Variants in GALNT18 observed in about 807,000 individuals in gnomAD.
The protein encoded by GALNT18 is GalNAc-transferase 18.
GALNT18 carries 44 observed loss-of-function variants against 69.5 expected under a neutral mutation model. The observed-to-expected ratio is 0.63, with a 90% CI of 0.50 to 0.81. The LOEUF (loss-of-function observed/expected upper bound fraction) is 0.81. Among genes scored for constraint, GALNT18 ranks in the 40% least tolerant of loss-of-function variants. The pLI, the probability that GALNT18 is intolerant of heterozygous loss-of-function variation, is 0.00. For synonymous variants in GALNT18, 364 were observed against 318.2 expected (o/e 1.14, Z -1.53); for missense variants, 715 against 810.0 (o/e 0.88, Z 1.42).
chr11:11,339,963 T>C lies in GALNT18; in HGVS notation c.1278+856A>G, dbSNP rs965309262. On this transcript the variant is annotated intron_variant, in intron 7 of 10. Coordinates refer to ENST00000227756, the MANE Select transcript of GALNT18 (RefSeq NM_198516.3). The surrounding 1 kb of genome is among the most constrained non-coding windows in gnomAD (Gnocchi z 5.2). ...CTTCCTAAAGGACTCCAAAAGGGAT[T>C]GCCATGGCCTTGGGAGGAAAGAATG... Among the ~76,000 whole-genome samples, 5 of 152,216 alleles carry C rather than the reference T, an allele frequency of 3.3e-5. No individual in the cohort carries two copies. Among genetic ancestry groups the C allele is most frequent in the African/African-American group, 9.6e-5 (4 of 41,464 alleles).
rs1450052765 is a variant in GALNT18 at position 11,444,874 on chromosome 11, C to T, written c.428+3870G>A. Among the ~76,000 whole-genome samples, 2 of 152,184 alleles carry T rather than the reference C, an allele frequency of 1.3e-5. No homozygotes were observed. Among genetic ancestry groups the T allele is most frequent in the East Asian group, 1.9e-4 (1 of 5,188 alleles). ...CTGGAATTCACAAGAGGCACAGGGG[C>T]TCCGGCTATGGCAAGAGCCACACAG... On this transcript the variant is annotated intron_variant, in intron 2 of 10. Transcript: ENST00000227756. This position sits in a 1 kb window ranked among gnomAD's most constrained non-coding sequence, Gnocchi z 4.4.
intron 5 of GALNT18, among the ~76,000 whole-genome samples, chr11:11,373,498 G>T (rs751354548): frequency 6.2e-4 from 94 of 152,212 alleles, no homozygotes; most frequent in Non-Finnish European, 1.3e-3. Flanking sequence ...GGTTTCAAAA[G>T]AAAGAAGCAT....
At chr11:11,379,663 G>T (rs535241019) in intron 3 of GALNT18, among the ~76,000 whole-genome samples, 3 of 152,130 alleles carry the variant, frequency 2.0e-5, no homozygotes, top group Non-Finnish European at 2.9e-5. Context: ...TCATCAGCAC[G>T]GCTACCTCCT....
rs540403513 is a variant in GALNT18 at position 11,468,479 on chromosome 11, C to T, written c.236-19543G>A. Among the ~76,000 whole-genome samples, 102 of 152,284 alleles carry T rather than the reference C, an allele frequency of 6.7e-4. 1 individual carries two copies. Among genetic ancestry groups the T allele is most frequent in the Admixed American group, 6.5e-4 (10 of 15,290 alleles). ...TAAGATTCTGAGTCTTTTCTCCATA[C>T]CACAAACTTCTCATGTGTTTCTGAA... On this transcript the variant is annotated intron_variant, in intron 1 of 10. Coordinates refer to ENST00000227756, the MANE Select transcript of GALNT18 (RefSeq NM_198516.3).
chr11:11,301,734 C>T (rs4430499), intron 9 of GALNT18, among the ~76,000 whole-genome samples: 19,296 of 152,192 alleles, frequency 0.13, 1,628 homozygotes, highest in Admixed American at 0.21. Flanking sequence ...CGATCCCATT[C>T]AATTCAACAA....
At chr11:11,369,453 C>A (rs1012198407) in intron 6 of GALNT18, among the ~76,000 whole-genome samples, 12 of 152,162 alleles carry the variant, frequency 7.9e-5, no homozygotes, top group African/African-American at 2.9e-4. Context: ...ACCAAATTCT[C>A]CTCTTCTTAT....
At position 11,444,284 on chromosome 11, in the gene GALNT18, C is replaced by T. The variant is rs1855597476; in HGVS notation, c.428+4460G>A. Among the ~76,000 whole-genome samples the T allele has an allele frequency of 6.6e-6, 1 of 152,262 alleles. No individual in the cohort carries two copies. The highest frequency in any genetic ancestry group is 2.4e-5 in the African/African-American group (1 of 41,542). On this transcript the variant is annotated intron_variant, in intron 2 of 10. Coordinates refer to ENST00000227756, the MANE Select transcript of GALNT18 (RefSeq NM_198516.3). The surrounding 1 kb of genome is among the most constrained non-coding windows in gnomAD (Gnocchi z 4.4). ...CCCTGCCTCCCTGCCACAGAGGCAC[C>T]AGAGGGACAGTGCTTCTGTGACCAT...
Position 11,377,427 on chromosome 11 carries a change from A to G in GALNT18, c.780-48T>C. ...GAGAGGGTAACCATTTCCAAGGTGG[A>G]AAAATCCAGAGTAGCATCTCCTGAA... On this transcript the variant is annotated intron_variant, in intron 4 of 10. Coordinates refer to ENST00000227756, the MANE Select transcript of GALNT18 (RefSeq NM_198516.3). The surrounding 1 kb of genome is among the most constrained non-coding windows in gnomAD (Gnocchi z 4.6). The G allele has an allele frequency of 6.4e-7, 1 of 1,564,160 alleles. No homozygotes were observed. The highest frequency in any genetic ancestry group is 8.8e-7 in the Non-Finnish European group (1 of 1,136,574).
chr11:11,332,229 GC>G lies in GALNT18; in HGVS notation c.1416+464del, dbSNP rs1417342522. On this transcript the variant is annotated intron_variant, in intron 8 of 10. Coordinates refer to ENST00000227756, the MANE Select transcript of GALNT18 (RefSeq NM_198516.3). The surrounding 1 kb of genome is among the most constrained non-coding windows in gnomAD (Gnocchi z 4.3). ...ATCAACAAGCAGTACTAAAAATACA[GC>G]AAATAAAATAAATTCAAGATGGCTC... Among the ~76,000 whole-genome samples the G allele has an allele frequency of 6.6e-6, 1 of 152,042 alleles. No homozygotes were observed. Among genetic ancestry groups the G allele is most frequent in the African/African-American group, 2.4e-5 (1 of 41,390 alleles).
At chr11:11,588,123 T>G (rs971890254) in intron 1 of GALNT18, among the ~76,000 whole-genome samples, 2 of 152,066 alleles carry the variant, frequency 1.3e-5, no homozygotes, top group African/African-American at 4.8e-5. Context: ...TACACACCCA[T>G]CTGCTCAGCT....
intron 1 of GALNT18, among the ~76,000 whole-genome samples, chr11:11,528,492 G>C (rs1857568755): frequency 1.3e-5 from 2 of 152,358 alleles, no homozygotes; most frequent in South Asian, 4.1e-4. Flanking sequence ...GATTCTTTAA[G>C]TGTGAGCTGA....
rs574562163 is a variant in GALNT18, at chr11:11,332,565, G to A, written c.1416+129C>T. ...CTGTCTTGCAGGTGCAGAACCCAGC[G>A]CCCGGTCCCCAGGCCTACTGCAGTT... On this transcript the variant is annotated intron_variant, in intron 8 of 10. Transcript: ENST00000227756. This position sits in a 1 kb window ranked among gnomAD's most constrained non-coding sequence, Gnocchi z 4.3. The A allele has an allele frequency of 6.7e-5, 68 of 1,019,326 alleles. No individual in the cohort carries two copies. The African/African-American group carries it at 7.6e-4, about 11-fold the overall frequency. 63.1% of individuals were successfully genotyped at this position (1,019,326 alleles called of 1,614,324 possible). A position where few individuals can be genotyped will look rare whatever the true frequency, so the allele number is the denominator to read the frequency against.
At chr11:11,280,054 A>G (rs1007400516) in intron 10 of GALNT18, among the ~76,000 whole-genome samples, 9 of 151,994 alleles carry the variant, frequency 5.9e-5, no homozygotes, top group Non-Finnish European at 1.0e-4. Context: ...TGTGTTGGGG[A>G]GATGGCCCAG....
chr11:11,459,653 C>T lies in GALNT18; in HGVS notation c.236-10717G>A, dbSNP rs1480221652. Reference sequence around the variant, plus strand: ...ACCTCTCTGAAGCTCAGCTTGCTGTCGAATGTGGATAATAATGTCTATGTC... The same window carrying T: ...ACCTCTCTGAAGCTCAGCTTGCTGTTGAATGTGGATAATAATGTCTATGTC... On this transcript the variant is annotated intron_variant, in intron 1 of 10. Coordinates refer to ENST00000227756, the MANE Select transcript of GALNT18 (RefSeq NM_198516.3). This position sits in a 1 kb window ranked among gnomAD's most constrained non-coding sequence, Gnocchi z 5.0. 6.6e-6 allele frequency among the ~76,000 whole-genome samples: 1 copy of T among 152,086 alleles called. No homozygotes were observed. Among genetic ancestry groups the T allele is most frequent in the African/African-American group, 2.4e-5 (1 of 41,394 alleles).
At chr11:11,395,846 A>T (rs1440623691) in intron 3 of GALNT18, among the ~76,000 whole-genome samples, 3 of 146,446 alleles carry the variant, frequency 2.0e-5, no homozygotes, top group Non-Finnish European at 4.5e-5. Context: ...GGGAAACAGG[A>T]GGGGAAAGCT....
At position 11,555,205 on chromosome 11, in the gene GALNT18, AT is replaced by A. The variant is rs1858301210; in HGVS notation, c.235+66153del. On this transcript the variant is annotated intron_variant, in intron 1 of 10. Coordinates refer to ENST00000227756, the MANE Select transcript of GALNT18 (RefSeq NM_198516.3). This position sits in a 1 kb window ranked among gnomAD's most constrained non-coding sequence, Gnocchi z 4.7. ...TGGGCTGCTCAGGGCGGGGGTGCCT[AT>A]CCCCACCCCACCATTCATGCCAGCC... 6.6e-6 allele frequency among the ~76,000 whole-genome samples: 1 copy of A among 152,160 alleles called. No homozygotes were observed. Among genetic ancestry groups the A allele is most frequent in the African/African-American group, 2.4e-5 (1 of 41,438 alleles).
chr11:11,272,157 CT>C (rs908039721), intron 10 of GALNT18, among the ~76,000 whole-genome samples: 1 of 152,164 alleles, frequency 6.6e-6, no homozygotes, highest in Non-Finnish European at 1.5e-5. Flanking sequence ...GTCAAACTCA[CT>C]TTTTCCCCCA....
At chr11:11,457,883 C>A (rs1855958750) in intron 1 of GALNT18, among the ~76,000 whole-genome samples, 2 of 152,240 alleles carry the variant, frequency 1.3e-5, no homozygotes, top group Admixed American at 1.3e-4. Context: ...ATTTCTCTTT[C>A]TGCCCTCAGG....
chr11:11,396,665 G>A lies in GALNT18; in HGVS notation c.596-17401C>T, dbSNP rs760626943. 2.2e-4 allele frequency among the ~76,000 whole-genome samples: 33 copies of A among 152,132 alleles called. No homozygotes were observed. Among genetic ancestry groups the A allele is most frequent in the Non-Finnish European group, 4.4e-4 (30 of 68,024 alleles). ...GTGGTTGGGGGCAGTAGGGATTAAC[G>A]CCACCTAATCTAAGGGTGAAAGTGT... On this transcript the variant is annotated intron_variant, in intron 3 of 10. Transcript: ENST00000227756. The surrounding 1 kb of genome is among the most constrained non-coding windows in gnomAD (Gnocchi z 5.2).
Sources: gnomAD v4.1 joint callset for allele counts (sites outside exome capture counted in the v4.1 genomes callset) on GRCh38, gnomAD v4.1.1 for gene constraint, Gnocchi (gnomAD v3.1) non-coding constraint, MANE v1.5 for transcripts, NCBI Gene and HGNC (gene_info 2026-07-23, HGNC 2026-07-21) for gene names.